Variants in IGFL2 observed in about 807,000 individuals in gnomAD.
The protein encoded by IGFL2 is insulin growth factor-like family member 2.
In IGFL2, 7 loss-of-function variants were observed where a neutral mutation model predicts 13.9. That is an observed-to-expected ratio of 0.51 (90% CI 0.29 to 0.95). IGFL2 has a LOEUF of 0.95. Among genes scored for constraint, IGFL2 ranks in the 40% least tolerant of loss-of-function variants. The pLI is 0.08. For missense variants in IGFL2, 138 were observed against 147.8 expected (o/e 0.93, Z 0.34); for synonymous variants, 55 against 55.8 (o/e 0.99, Z 0.07).
chr19:46,153,891 A>G (rs1177990563), intron 1 of IGFL2, among the ~76,000 whole-genome samples: 2 of 150,198 alleles, frequency 1.3e-5, no homozygotes, highest in East Asian at 3.9e-4. Context: ...CAGGTTTGTT[A>G]CATGTGCCAT....
At chr19:46,163,088 G>A (rs1430906688), downstream of IGFL2, among the ~76,000 whole-genome samples, 2 of 152,130 alleles carry the variant, frequency 1.3e-5, no homozygotes, top group Admixed American at 1.3e-4. Context: ...TTATGTTGAC[G>A]CTTTGGGGTG....
the IGFL2 span, chr19:46,137,504 T>C: frequency 8.8e-7 from 1 of 1,137,628 alleles, no homozygotes; most frequent in Non-Finnish European, 1.3e-6. Context: ...TCTCCTTCTC[T>C]TGCCTGAGCC....
upstream of IGFL2, among the ~76,000 whole-genome samples, chr19:46,147,191 C>T (rs765262875): frequency 2.0e-5 from 3 of 151,908 alleles, no homozygotes; most frequent in Non-Finnish European, 4.4e-5. Context: ...GCTGCATCTT[C>T]ACAGTTTCCC....
At chr19:46,136,626 T>C in the IGFL2 span, 2 of 382,910 alleles carry the variant, frequency 5.2e-6, no homozygotes, top group Non-Finnish European at 1.0e-5. Context: ...AACAGGAGGC[T>C]GTTTTAGCAA....
At chr19:46,186,207 C>T in the IGFL2 span, among the ~76,000 whole-genome samples, 2 of 152,278 alleles carry the variant, frequency 1.3e-5, no homozygotes, top group Admixed American at 6.5e-5. Context: ...GAAGAAACTC[C>T]GTCCAAGGGG....
the IGFL2 span, among the ~76,000 whole-genome samples, chr19:46,103,390 G>T: frequency 6.6e-6 from 1 of 152,246 alleles, no homozygotes; most frequent in South Asian, 2.1e-4. Flanking sequence ...GTGTGGTGGA[G>T]GTAGCTGGGG....
chr19:46,215,184 A>C, the IGFL2 span, among the ~76,000 whole-genome samples: 1 of 152,204 alleles, frequency 6.6e-6, no homozygotes. Context: ...TAAAGTATAA[A>C]TGTATATTTA....
At chr19:46,092,048 A>G in the IGFL2 span, among the ~76,000 whole-genome samples, 1 of 152,240 alleles carries the variant, frequency 6.6e-6, no homozygotes, top group African/African-American at 2.4e-5. Context: ...AACATTTTTT[A>G]CGTTCAAACC....
At chr19:46,184,637 T>G in the IGFL2 span, among the ~76,000 whole-genome samples, 1 of 152,256 alleles carries the variant, frequency 6.6e-6, no homozygotes, top group Non-Finnish European at 1.5e-5. Flanking sequence ...GTGCCACATT[T>G]TCTTTATCCA....
At chr19:46,183,892 G>T in the IGFL2 span, among the ~76,000 whole-genome samples, 1 of 152,056 alleles carries the variant, frequency 6.6e-6, no homozygotes, top group East Asian at 1.9e-4. Flanking sequence ...TAATTCCTCA[G>T]TCCCATCACT....
At chr19:46,094,396 A>T in the IGFL2 span, among the ~76,000 whole-genome samples, 1 of 152,136 alleles carries the variant, frequency 6.6e-6, no homozygotes, top group African/African-American at 2.4e-5. Flanking sequence ...GTATGAATAT[A>T]TATGTCCTAT....
At chr19:46,111,914 C>T in the IGFL2 span, 1 of 152,204 alleles carries the variant, frequency 6.6e-6, no homozygotes, top group Non-Finnish European at 1.5e-5. Context: ...TGTAAATGTA[C>T]ACCCCGAGTC....
the IGFL2 span, among the ~76,000 whole-genome samples, chr19:46,170,955 G>A: frequency 6.6e-6 from 1 of 152,130 alleles, no homozygotes; most frequent in Non-Finnish European, 1.5e-5. Flanking sequence ...TTCTGCCCTT[G>A]TGATCTTTTG....
chr19:46,127,827 T>C, the IGFL2 span, among the ~76,000 whole-genome samples: 1 of 152,100 alleles, frequency 6.6e-6, no homozygotes, highest in Non-Finnish European at 1.5e-5. Context: ...GTACAGGTGG[T>C]ATTTGGTTAC....
intron 1 of IGFL2, chr19:46,149,103 G>T (rs1176564614): frequency 1.6e-6 from 2 of 1,269,260 alleles, no homozygotes; most frequent in Non-Finnish European, 2.3e-6. Flanking sequence ...GATGAGCAAT[G>T]CCTGCTGTGT....
At chr19:46,147,412 C>G (rs1568422611), upstream of IGFL2, among the ~76,000 whole-genome samples, 4 of 152,216 alleles carry the variant, frequency 2.6e-5, no homozygotes. Flanking sequence ...TGAAAGTTTA[C>G]TAGCCAGCAA....
chr19:46,188,772 T>G, the IGFL2 span, among the ~76,000 whole-genome samples: 1 of 152,182 alleles, frequency 6.6e-6, no homozygotes, highest in African/African-American at 2.4e-5. Context: ...TGCCCACATA[T>G]TTCCTACCCT....
At chr19:46,148,211 A>G (rs1973242094), upstream of IGFL2, 9 of 1,441,792 alleles carry the variant, frequency 6.2e-6, no homozygotes, top group African/African-American at 2.8e-5. Flanking sequence ...CATAGCCTAC[A>G]TAAGTCCCTG....
chr19:46,120,414 T>G, the IGFL2 span: 1 of 1,606,134 alleles, frequency 6.2e-7, no homozygotes, highest in Non-Finnish European at 8.5e-7. Flanking sequence ...AGGAAAAAAT[T>G]ATCCCCTACA....
Sources: allele counts gnomAD v4.1 joint callset (sites outside exome capture counted in the v4.1 genomes callset), GRCh38; gene constraint gnomAD v4.1.1; transcripts MANE v1.5; gene names NCBI Gene and HGNC (gene_info 2026-07-23, HGNC 2026-07-21).